Variants in FBXW10 observed in about 807,000 individuals in gnomAD.
The protein encoded by FBXW10 is F-box/WD repeat-containing protein 10.
FBXW10 carries 68 observed loss-of-function variants against 113.1 expected under a neutral mutation model. That is an observed-to-expected ratio of 0.60 (90% CI 0.49 to 0.74). The LOEUF is 0.74. FBXW10 is among the 30% of genes least tolerant of loss of function. The pLI, the probability that FBXW10 is intolerant of heterozygous loss-of-function variation, is 0.00. For synonymous variants in FBXW10, 289 were observed against 481.6 expected, an observed-to-expected ratio of 0.60 and a Z score of 5.24; for missense variants, 753 against 1,284.5, an observed-to-expected ratio of 0.59 and a Z score of 6.32.
chr17:18,744,668 C>T lies in FBXW10; in HGVS notation c.424C>T (p.Gln142Ter). The T allele has an allele frequency of 6.2e-7, 1 of 1,613,978 alleles. No homozygotes were observed. The highest frequency in any genetic ancestry group is 8.5e-7 in the Non-Finnish European group (1 of 1,179,876). Reference protein sequence around the residue: ...TKANYTLLLLQMCNPKLLLTA... With the variant: ...TKANYTLLLL ...GGCGAATTATACTCTCTTACTGCTG[C>T]AGATGTGCAACCCCAAATTACTGCT... Residue 142 changes from glutamine (Q) to a stop codon, truncating the protein, a stop_gained, in exon 1 of 14, where the codon CAG (glutamine) becomes TAG (stop). Transcript: ENST00000395665. LOFTEE classifies it high-confidence loss of function.
rs771968862 is a variant in FBXW10, at chr17:18,772,633, G to A, written c.2228G>A (p.Gly743Asp). The change falls in exon 12 of 14, where the codon GGC (glycine) becomes GAC (aspartate). Residue 743 changes from glycine to aspartate, a missense_variant. By Grantham distance (94) the Gly-to-Asp change is moderately conservative (BLOSUM62 -1). Transcript: ENST00000395665. ...KQTVIQELLPGKPPKSRVLLK... is the reference protein window; with the variant it reads ...KQTVIQELLPDKPPKSRVLLK... ...ACTGTGATCCAAGAGCTCCTACCAG[G>A]CAAACCTCCCAAGTCCCGAGTACTC... 3.1e-6 allele frequency: 5 copies of A among 1,614,062 alleles called. No individual in the cohort carries two copies. Among genetic ancestry groups the A allele is most frequent in the African/African-American group, 2.7e-5 (2 of 75,016 alleles).
chr17:18,773,354 A>T (rs537513807), intron 12 of FBXW10, among the ~76,000 whole-genome samples: 1 of 152,214 alleles, frequency 6.6e-6, no homozygotes, highest in Non-Finnish European at 1.5e-5. Flanking sequence ...TTCAAAACAT[A>T]TATTACATAA....
intron 7 of FBXW10, among the ~76,000 whole-genome samples, chr17:18,763,158 A>ATT (rs1157017619): frequency 7.7e-5 from 11 of 142,908 alleles, no homozygotes; most frequent in Admixed American, 2.1e-4. Flanking sequence ...AGTAAGTACA[A>ATT]TTTTTTTTTT....
At chr17:18,769,849 A>G in intron 10 of FBXW10, 78 bp from the exon 11 acceptor site, 1 of 1,541,802 alleles carries the variant, frequency 6.5e-7, no homozygotes, top group Non-Finnish European at 8.8e-7. Flanking sequence ...AATCACACAC[A>G]AAATGCTCCC....
rs1313722820 is a variant in FBXW10 at position 18,748,112 on chromosome 17, G to T, written c.670+7G>T. On this transcript the variant is annotated splice_region_variant and intron_variant, in intron 2 of 13. Coordinates refer to ENST00000395665, the MANE Select transcript of FBXW10 (RefSeq NM_001267585.2). The stretch of plus-strand genomic sequence containing the variant: ...GGGGCAGCATCTAACCCTGGTAAGT[G>T]AACTTTCAGCAAGAAAGCCAATATG... 2 of 1,613,606 alleles carry T rather than the reference G, an allele frequency of 1.2e-6. No homozygotes were observed. The highest frequency in any genetic ancestry group is 1.3e-5 in the African/African-American group (1 of 74,876).
Position 18,772,466 on chromosome 17 carries a change from G to T in FBXW10, c.2061G>T (p.Lys687Asn). Residue 687 changes from lysine (K) to asparagine (N), a missense_variant, in exon 12 of 14, where the codon AAG becomes AAT. Lys to Asn is a moderately conservative substitution (Grantham distance 94). Coordinates refer to ENST00000395665, the MANE Select transcript of FBXW10 (RefSeq NM_001267585.2). ...TCATGTTCCAGTTTGAGCACATAAA[G>T]TGGCAGTATGCCGTGGAAAAAACGA... Reference protein sequence around the residue: ...NVLMFQFEHIKWQYAVEKTKQ... With the variant: ...NVLMFQFEHINWQYAVEKTKQ... The T allele has an allele frequency of 6.2e-7, 1 of 1,614,122 alleles. No homozygotes were observed. Among genetic ancestry groups the T allele is most frequent in the Non-Finnish European group, 8.5e-7 (1 of 1,179,956 alleles).
At chr17:18,766,585 T>G (rs2035500638) in intron 8 of FBXW10, 129 bp from the exon 9 acceptor site, 15 of 1,256,508 alleles carry the variant, frequency 1.2e-5, no homozygotes, top group Non-Finnish European at 1.6e-5. Flanking sequence ...CGGGAAGTCC[T>G]TCTAGAATCT....
chr17:18,779,264 C>T lies in FBXW10; in HGVS notation c.3125C>T (p.Ala1042Val), dbSNP rs572309511. The T allele has an allele frequency of 3.9e-6, 5 of 1,269,800 alleles. 1 individual carries two copies. The highest frequency in any genetic ancestry group is 1.7e-5 in the African/African-American group (1 of 59,296). The allele number at this position is 1,269,800 out of a possible 1,614,324, so 78.7% of individuals were successfully genotyped here. ...IDNFTKQGKT[A>V]APELGQNVFI ...AATTTCACGAAGCAAGGGAAAACAG[C>T]GGCCCCTGAACTTGGACAAAATGTA... Residue 1042 changes from alanine to valine, a missense_variant, in exon 14 of 14, where the codon GCG becomes GTG. Transcript: ENST00000395665.
chr17:18,761,964 T>C lies in FBXW10; in HGVS notation c.1434-2778T>C, dbSNP rs185206017. On this transcript the variant is annotated intron_variant, in intron 7 of 13. Coordinates refer to ENST00000395665, the MANE Select transcript of FBXW10 (RefSeq NM_001267585.2). ...GTTTCATAATTGGTTTTTCTTTTTC[T>C]TTTTCTTTTTTTTTTTGAGACGGAG... Among the ~76,000 whole-genome samples the C allele has an allele frequency of 8.0e-4, 121 of 152,138 alleles. 3 individuals carry two copies. The Middle Eastern group carries it at 0.017, about 21-fold the overall frequency.
At position 18,766,815 on chromosome 17, in the gene FBXW10, C is replaced by T. The variant is rs138625739; in HGVS notation, c.1657C>T (p.Arg553Ter). The T allele has an allele frequency of 7.8e-4, 1,252 of 1,611,772 alleles. 14 individuals carry two copies. In the East Asian group the frequency reaches 0.014, roughly 18 times the overall value. ...TACCTACATTGTGAGCAGCTGTGAGCGAGGGCTGGTGAAAGTGTGGCACAT... is the reference window on the plus strand; with the variant it reads ...TACCTACATTGTGAGCAGCTGTGAGTGAGGGCTGGTGAAAGTGTGGCACAT... ...NDTYIVSSCE[R>*]GLVKVWHIAM... The change falls in exon 9 of 14, where the codon CGA becomes TGA. Residue 553 changes from arginine to a stop codon, truncating the protein, a stop_gained. Transcript: ENST00000395665. LOFTEE classifies it high-confidence loss of function.
At chr17:18,771,113 A>AAAAAAC (rs1555538228) in intron 11 of FBXW10, among the ~76,000 whole-genome samples, 1 of 150,662 alleles carries the variant, frequency 6.6e-6, no homozygotes, top group Non-Finnish European at 1.5e-5. Flanking sequence ...GCTAAAAAAA[A>AAAAAAC]AAAACAAAAC....
chr17:18,764,688 A>G (rs992112366), intron 7 of FBXW10, 54 bp from the exon 8 acceptor site: 11 of 1,613,538 alleles, frequency 6.8e-6, no homozygotes, highest in African/African-American at 2.7e-5. Context: ...TCTACGCAGT[A>G]TGATCCTCTG....
rs1448338172 is a variant in FBXW10 at position 18,766,793 on chromosome 17, C to G, written c.1635C>G (p.Thr545=). The change falls in exon 9 of 14, where the codon ACC becomes ACG. Residue 545 remains threonine (T), a synonymous_variant. Transcript: ENST00000395665. ...DPILATRIND[T]YIVSSCERGL... ...TCTTGGCCACCAGGATCAATGATAC[C>G]TACATTGTGAGCAGCTGTGAGCGAG... 1 of 1,612,190 alleles carries G rather than the reference C, an allele frequency of 6.2e-7. No individual in the cohort carries two copies. Among genetic ancestry groups the G allele is most frequent in the Non-Finnish European group, 8.5e-7 (1 of 1,178,410 alleles).
chr17:18,745,035 A>G (rs2035013446), intron 1 of FBXW10: 1 of 1,321,774 alleles, frequency 7.6e-7, no homozygotes, highest in African/African-American at 1.5e-5. Context: ...ATAGGCCCAG[A>G]AATGGCTGGT....
At chr17:18,750,362 G>A (rs187855458) in intron 4 of FBXW10, among the ~76,000 whole-genome samples, 412 of 151,468 alleles carry the variant, frequency 2.7e-3, no homozygotes, top group African/African-American at 9.7e-3. Context: ...GATAGAGACC[G>A]CTCAGGAGCA....
chr17:18,774,292 C>T (rs1036891255), intron 12 of FBXW10, among the ~76,000 whole-genome samples: 2 of 152,208 alleles, frequency 1.3e-5, no homozygotes, highest in African/African-American at 4.8e-5. Flanking sequence ...AAAACAGCTG[C>T]GCTATGTGAC....
chr17:18,761,410 C>A (rs1332359755), intron 7 of FBXW10, among the ~76,000 whole-genome samples: 1 of 151,990 alleles, frequency 6.6e-6, no homozygotes, highest in Non-Finnish European at 1.5e-5. Context: ...GGACTACAGG[C>A]ACCCGCCACC....
intron 9 of FBXW10, among the ~76,000 whole-genome samples, chr17:18,768,026 T>TTTCTTCCTTCCTTC (rs2035532886): frequency 2.2e-5 from 3 of 135,680 alleles, no homozygotes; most frequent in African/African-American, 5.6e-5. Context: ...TTCCTTCCTT[T>TTTCTTCCTTCCTTC]CTTCCTTCCT....
At chr17:18,744,966 T>G in intron 1 of FBXW10, 1 of 1,428,676 alleles carries the variant, frequency 7.0e-7, no homozygotes, top group Non-Finnish European at 9.1e-7. Context: ...AAATGATCAA[T>G]GCAGGAGGAA....
Sources: gnomAD v4.1 joint callset for allele counts (sites outside exome capture counted in the v4.1 genomes callset) on GRCh38, gnomAD v4.1.1 for gene constraint, MANE v1.5 for transcripts, NCBI Gene and HGNC (gene_info 2026-07-23, HGNC 2026-07-21) for gene names.